TRAPPC9: variants seen among roughly 807,000 people sequenced by gnomAD.
TRAPPC9 encodes the protein IKK2 binding protein.
TRAPPC9 carries 83 observed loss-of-function variants against 124.0 expected under a neutral mutation model. The ratio of observed to expected loss-of-function variants is 0.67; its 90% confidence interval spans 0.56 to 0.80. The LOEUF (loss-of-function observed/expected upper bound fraction) is 0.80. Ranked by LOEUF, TRAPPC9 falls within the 30% of genes least tolerant of loss-of-function variation. TRAPPC9 has a pLI of 0.00. For missense variants in TRAPPC9, 1,302 were observed against 1,508.3 expected, an observed-to-expected ratio of 0.86 and a Z score of 2.27; for synonymous variants, 638 against 617.5, an observed-to-expected ratio of 1.03 and a Z score of -0.49.
chr8:139,939,575 C>T (rs750929965), intron 19 of TRAPPC9, among the ~76,000 whole-genome samples: 2 of 152,138 alleles, frequency 1.3e-5, no homozygotes, highest in Non-Finnish European at 2.9e-5. Context: ...AGCTGCAGGC[C>T]TGCAGGTGTG....
At chr8:139,935,183 C>T (rs985853194) in intron 19 of TRAPPC9, among the ~76,000 whole-genome samples, 2 of 152,154 alleles carry the variant, frequency 1.3e-5, no homozygotes, top group Non-Finnish European at 2.9e-5. Flanking sequence ...GCGTGCAGGA[C>T]CTTCTGTCCT....
intron 4 of TRAPPC9, among the ~76,000 whole-genome samples, 162 bp from the exon 5 acceptor site, chr8:140,426,803 C>A (rs924616594): frequency 2.6e-5 from 4 of 152,190 alleles, no homozygotes; most frequent in African/African-American, 7.2e-5. Flanking sequence ...AAGTTTGGTG[C>A]CTTTTTGCTT....
chr8:139,890,273 C>T (rs971950870), intron 20 of TRAPPC9, among the ~76,000 whole-genome samples: 3 of 152,254 alleles, frequency 2.0e-5, no homozygotes, highest in Non-Finnish European at 4.4e-5. Context: ...GCCCTACGGG[C>T]ATCTGGCCAT....
intron 2 of TRAPPC9, among the ~76,000 whole-genome samples, chr8:140,448,366 A>G (rs2071340983): frequency 6.6e-6 from 1 of 152,190 alleles, no homozygotes; most frequent in Non-Finnish European, 1.5e-5. Context: ...TGCCTGGCAT[A>G]TGAAGGCTCT....
At chr8:139,903,458 G>A (rs1831146413) in intron 20 of TRAPPC9, among the ~76,000 whole-genome samples, 1 of 152,152 alleles carries the variant, frequency 6.6e-6, no homozygotes, top group Non-Finnish European at 1.5e-5. Flanking sequence ...TGATACCTCA[G>A]CAAGCCTTGC....
At chr8:139,945,598 C>CATAAAT (rs1834166359) in intron 19 of TRAPPC9, among the ~76,000 whole-genome samples, 1 of 82,966 alleles carries the variant, frequency 1.2e-5, no homozygotes, top group Non-Finnish European at 2.4e-5. Flanking sequence ...TCAGTAAAGA[C>CATAAAT]ATAAATGAAC....
intron 17 of TRAPPC9, among the ~76,000 whole-genome samples, chr8:140,068,339 G>T (rs1299435692): frequency 6.6e-6 from 1 of 152,080 alleles, no homozygotes; most frequent in East Asian, 1.9e-4. Context: ...GCCATGAGCA[G>T]CCTTGAAGAC....
chr8:140,000,614 C>T (rs180791254), intron 18 of TRAPPC9, among the ~76,000 whole-genome samples: 23 of 152,250 alleles, frequency 1.5e-4, no homozygotes, highest in African/African-American at 5.3e-4. Context: ...TTTATGCAGC[C>T]AACAGACACA....
intron 4 of TRAPPC9, among the ~76,000 whole-genome samples, chr8:140,430,540 C>T (rs528387109): frequency 1.4e-4 from 21 of 152,328 alleles, no homozygotes; most frequent in Non-Finnish European, 2.5e-4. Context: ...GAGGGCCCCT[C>T]GTAGGAAGGT....
rs187530283 is a variant in TRAPPC9 at position 140,092,978 on chromosome 8, G to T, written c.2557-68899C>A. ...TCAAGATTATTATGAAATCAAATTA[G>T]GCAGCATATATAAAGTACTTAGCAC... On this transcript the variant is annotated intron_variant, in intron 17 of 22. Coordinates refer to ENST00000438773, the MANE Select transcript of TRAPPC9 (RefSeq NM_001160372.4). 5.7e-4 allele frequency among the ~76,000 whole-genome samples: 87 copies of T among 151,886 alleles called. 2 individuals are homozygous for T. In the South Asian group the frequency reaches 0.014, roughly 24 times the overall value.
chr8:139,825,971 A>G lies in TRAPPC9; in HGVS notation c.3055+59908T>C, dbSNP rs372798364. On this transcript the variant is annotated intron_variant, in intron 21 of 22. Transcript: ENST00000438773. The surrounding 1 kb of genome is among the most constrained non-coding windows in gnomAD (Gnocchi z 4.6). ...GGAACAGGCCATGATGAGGATGTGCAACAGCAGGGGAGCTCCAGGGCCCCT... is the reference window on the plus strand; with the variant it reads ...GGAACAGGCCATGATGAGGATGTGCGACAGCAGGGGAGCTCCAGGGCCCCT... Among the ~76,000 whole-genome samples the G allele has an allele frequency of 2.8e-4, 42 of 152,296 alleles. No homozygotes were observed. The highest frequency in any genetic ancestry group is 1.2e-3 in the East Asian group (6 of 5,164).
intron 21 of TRAPPC9, among the ~76,000 whole-genome samples, chr8:139,783,593 AT>A (rs1821983330): frequency 6.6e-6 from 1 of 152,216 alleles, no homozygotes; most frequent in South Asian, 2.1e-4. Flanking sequence ...TCTACCAAAC[AT>A]TGAAGAAAGA....
intron 19 of TRAPPC9, among the ~76,000 whole-genome samples, chr8:139,923,915 C>G (rs1832657367): frequency 6.6e-6 from 1 of 152,180 alleles, no homozygotes; most frequent in South Asian, 2.1e-4. Context: ...CATATTTCAT[C>G]AATTCTAAGT....
chr8:140,167,215 T>C (rs2061855884), intron 17 of TRAPPC9, among the ~76,000 whole-genome samples: 1 of 151,730 alleles, frequency 6.6e-6, no homozygotes, highest in Non-Finnish European at 1.5e-5. Flanking sequence ...AATATCCATG[T>C]GACACAGAGC....
chr8:140,295,819 A>C (rs184009175), intron 11 of TRAPPC9, among the ~76,000 whole-genome samples: 18 of 152,314 alleles, frequency 1.2e-4, no homozygotes, highest in Non-Finnish European at 5.9e-5. Context: ...CTGCACAAGC[A>C]CTCACTGATC....
At chr8:139,739,652 G>A (rs1418200640) in intron 21 of TRAPPC9, among the ~76,000 whole-genome samples, 4 of 152,324 alleles carry the variant, frequency 2.6e-5, no homozygotes, top group Admixed American at 2.0e-4. Flanking sequence ...GGTTGTCCCT[G>A]ACCACACAGT....
intron 14 of TRAPPC9, among the ~76,000 whole-genome samples, chr8:140,279,029 G>C (rs1050444950): frequency 9.9e-5 from 15 of 152,170 alleles, no homozygotes; most frequent in African/African-American, 3.4e-4. Context: ...GTATTTATTG[G>C]GTTGGTTGAC....
intron 17 of TRAPPC9, among the ~76,000 whole-genome samples, chr8:140,183,174 C>T (rs1317283792): frequency 3.3e-5 from 5 of 152,312 alleles, no homozygotes; most frequent in Non-Finnish European, 5.9e-5. Context: ...CTACTAGGTA[C>T]CAGGCACTGT....
At chr8:140,164,558 T>C (rs928185753) in intron 17 of TRAPPC9, among the ~76,000 whole-genome samples, 2 of 152,228 alleles carry the variant, frequency 1.3e-5, no homozygotes, top group Non-Finnish European at 2.9e-5. Flanking sequence ...CACAGGATCA[T>C]GCCTTGAGTG....
Sources: gnomAD v4.1 joint callset for allele counts (sites outside exome capture counted in the v4.1 genomes callset) on GRCh38, gnomAD v4.1.1 for gene constraint, Gnocchi (gnomAD v3.1) non-coding constraint, MANE v1.5 for transcripts, NCBI Gene and HGNC (gene_info 2026-07-23, HGNC 2026-07-21) for gene names.